The following DACH1 variants were observed in gnomAD, a reference collection of about 807,000 sequenced individuals.
DACH1 encodes dachshund homolog 1.
A neutral mutation model predicts 54.2 loss-of-function variants in DACH1; 12 were observed. The ratio of observed to expected loss-of-function variants is 0.22; its 90% CI spans 0.14 to 0.36. DACH1 has a LOEUF of 0.36. Ranked by LOEUF, DACH1 falls within the 10% of genes least tolerant of loss-of-function variation. The pLI is 1.00. For synonymous variants in DACH1, 386 were observed against 366.2 expected, an observed-to-expected ratio of 1.05 and a Z score of -0.62; for missense variants, 805 against 929.8, an observed-to-expected ratio of 0.87 and a Z score of 1.75.
At chr13:71,697,729 T>A (rs904999673) in intron 1 of DACH1, among the ~76,000 whole-genome samples, 8 of 152,178 alleles carry the variant, frequency 5.3e-5, no homozygotes, top group African/African-American at 1.9e-4. Context: ...TAAACTATAA[T>A]AGCACATTTT....
chr13:71,626,638 G>A (rs1876665373), intron 3 of DACH1, among the ~76,000 whole-genome samples: 2 of 151,986 alleles, frequency 1.3e-5, no homozygotes, highest in Admixed American at 1.3e-4. Context: ...TCACAAGATA[G>A]TACTTGATAT....
At chr13:71,533,979 T>G (rs899129321) in intron 6 of DACH1, among the ~76,000 whole-genome samples, 18 of 152,072 alleles carry the variant, frequency 1.2e-4, no homozygotes, top group South Asian at 2.1e-4. Context: ...ATCTTATCTC[T>G]GGGTCGGCTA....
intron 1 of DACH1, among the ~76,000 whole-genome samples, chr13:71,759,169 T>G (rs1226599463): frequency 1.3e-5 from 2 of 152,070 alleles, no homozygotes. Context: ...TAAGCTGCAC[T>G]AAGACTTGAT....
intron 10 of DACH1, among the ~76,000 whole-genome samples, chr13:71,463,633 C>T (rs909233753): frequency 3.3e-5 from 5 of 151,836 alleles, no homozygotes; most frequent in Non-Finnish European, 7.4e-5. Context: ...ACCTCAGTTT[C>T]GTCAAATATA....
rs1395793419 is a variant in DACH1 at position 71,438,302 on chromosome 13, T to C, written c.*2353A>G. 6.6e-6 allele frequency: 1 copy of C among 152,342 alleles called. No homozygotes were observed. The highest frequency in any genetic ancestry group is 1.5e-5 in the Non-Finnish European group (1 of 67,830). 9.4% of individuals were successfully genotyped at this position (152,342 alleles called of 1,614,324 possible). A position where few individuals can be genotyped will look rare whatever the true frequency, so the allele number is the denominator to read the frequency against. On this transcript the variant is annotated 3_prime_UTR_variant, in exon 11 of 11. Transcript: ENST00000613252. ...ATATAGAACAACTAGACATTAATATTTTTAGGATTACAAAAGCATGGAAAC... is the reference window on the plus strand; with the variant it reads ...ATATAGAACAACTAGACATTAATATCTTTAGGATTACAAAAGCATGGAAAC...
chr13:71,542,990 C>A (rs1245180289), intron 6 of DACH1, among the ~76,000 whole-genome samples: 1 of 152,044 alleles, frequency 6.6e-6, no homozygotes, highest in African/African-American at 2.4e-5. Context: ...AAAATACATT[C>A]ATGAAAGGAA....
chr13:71,543,070 T>G (rs1883238319), intron 6 of DACH1, among the ~76,000 whole-genome samples: 1 of 152,144 alleles, frequency 6.6e-6, no homozygotes, highest in African/African-American at 2.4e-5. Flanking sequence ...TGGCATAGAC[T>G]TCTCTCTCCT....
At chr13:71,801,624 T>A (rs1887291728) in intron 1 of DACH1, among the ~76,000 whole-genome samples, 1 of 152,126 alleles carries the variant, frequency 6.6e-6, no homozygotes. Context: ...ACAAGGCAAA[T>A]TGCTTTCTTA....
chr13:71,732,383 G>A (rs924810745), intron 1 of DACH1, among the ~76,000 whole-genome samples: 6 of 151,976 alleles, frequency 3.9e-5, no homozygotes, highest in South Asian at 2.1e-4. Context: ...TCAGGAGTTC[G>A]AGACCAGCCT....
intron 1 of DACH1, among the ~76,000 whole-genome samples, chr13:71,844,434 C>G (rs543546134): frequency 6.6e-6 from 1 of 152,280 alleles, no homozygotes; most frequent in Admixed American, 6.5e-5. Flanking sequence ...TTTCAACATA[C>G]AGTTGATGTA....
intron 1 of DACH1, among the ~76,000 whole-genome samples, chr13:71,814,841 CATT>C (rs1187750427): frequency 1.3e-5 from 2 of 152,106 alleles, no homozygotes; most frequent in Non-Finnish European, 2.9e-5. Flanking sequence ...TCATTTCCAG[CATT>C]ATTGCAAACT....
intron 3 of DACH1, among the ~76,000 whole-genome samples, chr13:71,629,058 T>C (rs1476687868): frequency 6.6e-6 from 1 of 152,130 alleles, no homozygotes; most frequent in Admixed American, 6.6e-5. Context: ...TTTTAAAAAG[T>C]GTCCAACAGT....
chr13:71,459,747 G>A (rs1365895806), intron 10 of DACH1, among the ~76,000 whole-genome samples: 1 of 151,776 alleles, frequency 6.6e-6, no homozygotes, highest in Non-Finnish European at 1.5e-5. Flanking sequence ...TGAAAAACAA[G>A]ATTTATTATT....
At chr13:71,725,203 A>T (rs1055808197) in intron 1 of DACH1, among the ~76,000 whole-genome samples, 1 of 152,156 alleles carries the variant, frequency 6.6e-6, no homozygotes, top group Non-Finnish European at 1.5e-5. Context: ...GCGTCAAAAA[A>T]CCATGTTTCT....
Position 71,532,792 on chromosome 13 carries a change from G to A in DACH1, c.1570+24232C>T, listed in dbSNP as rs112154661. On this transcript the variant is annotated intron_variant, in intron 6 of 10. Coordinates refer to ENST00000613252, the MANE Select transcript of DACH1 (RefSeq NM_080759.6). ...TTGTTTTAGCATCTTAAAATAATTG[G>A]GGTAGTTGTGATTATATCAACTCAT... Among the ~76,000 whole-genome samples the A allele has an allele frequency of 6.3e-3, 963 of 151,892 alleles. 10 individuals are homozygous for A. The highest frequency in any genetic ancestry group is 0.022 in the African/African-American group (917 of 41,506).
chr13:71,551,746 C>T (rs1448014632), intron 6 of DACH1, among the ~76,000 whole-genome samples: 2 of 151,900 alleles, frequency 1.3e-5, no homozygotes, highest in Non-Finnish European at 2.9e-5. Context: ...TTCAAAAGGG[C>T]TTTGTATGAA....
chr13:71,637,515 C>T (rs1259590654), intron 2 of DACH1, among the ~76,000 whole-genome samples: 1 of 152,132 alleles, frequency 6.6e-6, no homozygotes, highest in Non-Finnish European at 1.5e-5. Flanking sequence ...TGGCTCTCTA[C>T]ATTGATCAGA....
intron 1 of DACH1, among the ~76,000 whole-genome samples, chr13:71,842,855 C>G (rs1379569407): frequency 6.6e-6 from 1 of 152,140 alleles, no homozygotes; most frequent in African/African-American, 2.4e-5. Context: ...CCAAGGATAT[C>G]TATTCTTCTG....
At chr13:71,835,140 A>G (rs1888735802) in intron 1 of DACH1, among the ~76,000 whole-genome samples, 1 of 152,056 alleles carries the variant, frequency 6.6e-6, no homozygotes, top group South Asian at 2.1e-4. Flanking sequence ...AGAGAGTCAC[A>G]ATAAGACCAA....
Sources: gnomAD v4.1 joint callset for allele counts (sites outside exome capture counted in the v4.1 genomes callset) on GRCh38, gnomAD v4.1.1 for gene constraint, MANE v1.5 for transcripts, NCBI Gene and HGNC (gene_info 2026-07-23, HGNC 2026-07-21) for gene names.